TXNRD3: variants seen among roughly 807,000 people sequenced by gnomAD.
The protein encoded by TXNRD3 is TXNRD3 neighbor gene protein.
TXNRD3 carries 68 observed loss-of-function variants against 78.2 expected under a neutral mutation model. The ratio of observed to expected loss-of-function variants is 0.87; its 90% confidence interval spans 0.72 to 1.06. The LOEUF is 1.06. Ranked by LOEUF, TXNRD3 falls within the 50% of genes least tolerant of loss-of-function variation. The pLI, the probability that TXNRD3 is intolerant of heterozygous loss-of-function variation, is 0.00. For synonymous variants in TXNRD3, 296 were observed against 300.1 expected (o/e 0.99, Z 0.14); for missense variants, 751 against 809.5 (o/e 0.93, Z 0.88).
chr3:126,626,845 T>C (rs1397504240), intron 10 of TXNRD3, among the ~76,000 whole-genome samples: 5 of 152,070 alleles, frequency 3.3e-5, no homozygotes, highest in Admixed American at 2.6e-4. Flanking sequence ...AATCCCAGCA[T>C]GTTGAGAGGC....
intron 6 of TXNRD3, among the ~76,000 whole-genome samples, chr3:126,640,094 CTTTTTTTTTTTTTTTT>C (rs747114940): frequency 7.0e-5 from 1 of 14,320 alleles, no homozygotes; most frequent in African/African-American, 1.7e-4. Flanking sequence ...CTTGTGTTTT[CTTTTTTTTTTTTTTTT>C]TTTTTTTTTT....
At chr3:126,650,021 A>G (rs1305695287) in intron 1 of TXNRD3, among the ~76,000 whole-genome samples, 5 of 152,228 alleles carry the variant, frequency 3.3e-5, no homozygotes, top group African/African-American at 1.2e-4. Context: ...GAATTTTATC[A>G]CAATATTTTT....
At chr3:126,618,863 CAAA>C (rs36021189) in intron 12 of TXNRD3, among the ~76,000 whole-genome samples, 13 of 73,106 alleles carry the variant, frequency 1.8e-4, no homozygotes, top group African/African-American at 4.1e-4. Flanking sequence ...AACTCAGAGC[CAAA>C]AAAAAAAAAA....
At chr3:126,653,402 T>G (rs889724214) in intron 1 of TXNRD3, among the ~76,000 whole-genome samples, 1 of 152,118 alleles carries the variant, frequency 6.6e-6, no homozygotes, top group African/African-American at 2.4e-5. Flanking sequence ...GCAAAAGGCC[T>G]GAAAAAAATG....
intron 6 of TXNRD3, among the ~76,000 whole-genome samples, chr3:126,637,566 C>A (rs182923312): frequency 0.012 from 1,801 of 152,118 alleles, 19 homozygotes; most frequent in Middle Eastern, 0.048. Context: ...ATAGGAAATT[C>A]TTAATTTCCT....
rs1938070998 is a variant in TXNRD3, at chr3:126,607,357, C to T, written c.*548G>A. The T allele has an allele frequency of 6.6e-6, 1 of 152,272 alleles. No individual in the cohort carries two copies. The highest frequency in any genetic ancestry group is 2.1e-4 in the South Asian group (1 of 4,832). 9.4% of individuals were successfully genotyped at this position (152,272 alleles called of 1,614,324 possible). The stretch of plus-strand genomic sequence containing the variant: ...GTGCCTCAAAAAAGAAAAGAGATGA[C>T]TAACCCTACACAGTGTGTACAGCTT... On this transcript the variant is annotated 3_prime_UTR_variant, in exon 16 of 16. Coordinates refer to ENST00000524230, the MANE Select transcript of TXNRD3 (RefSeq NM_052883.3).
chr3:126,621,986 A>G, intron 11 of TXNRD3, 88 bp from the exon 12 acceptor site: 1 of 1,096,878 alleles, frequency 9.1e-7, no homozygotes, highest in Non-Finnish European at 1.2e-6. Flanking sequence ...AAGACTAAAT[A>G]CATAGAAGAC....
intron 13 of TXNRD3, among the ~76,000 whole-genome samples, chr3:126,611,547 C>T (rs187490925): frequency 1.1e-4 from 16 of 152,234 alleles, no homozygotes; most frequent in East Asian, 5.8e-4. Context: ...GAAATAAAAC[C>T]GCTCCAGCCA....
intron 5 of TXNRD3, among the ~76,000 whole-genome samples, chr3:126,643,656 A>G (rs1933147717): frequency 6.6e-6 from 1 of 152,094 alleles, no homozygotes; most frequent in Non-Finnish European, 1.5e-5. Context: ...ATTAATGTTT[A>G]TATTATCTTT....
rs931487992 is a variant in TXNRD3 at position 126,647,308 on chromosome 3, A to C, written c.244-12T>G. 1 of 1,531,940 alleles carries C rather than the reference A, an allele frequency of 6.5e-7. No individual in the cohort carries two copies. Among genetic ancestry groups the C allele is most frequent in the Admixed American group, 2.0e-5 (1 of 50,810 alleles). The allele number at this position is 1,531,940 out of a possible 1,614,324, so 94.9% of individuals were successfully genotyped here. A position where few individuals can be genotyped will look rare whatever the true frequency, so the allele number is the denominator to read the frequency against. ...AAGAGTTCTTTCACCTGTAAAAAAA[A>C]TTTAGCTAAGTTTCACTCTCAGAAA... On this transcript the variant is annotated splice_polypyrimidine_tract_variant and intron_variant, in intron 1 of 15. Transcript: ENST00000524230.
At chr3:126,634,638 C>A (rs868039054) in intron 6 of TXNRD3, among the ~76,000 whole-genome samples, 6 of 152,152 alleles carry the variant, frequency 3.9e-5, no homozygotes, top group Non-Finnish European at 5.9e-5. Context: ...TGGAATTCCA[C>A]GTCATCCCTG....
chr3:126,612,324 C>T (rs757219746), intron 13 of TXNRD3, among the ~76,000 whole-genome samples: 5 of 152,174 alleles, frequency 3.3e-5, no homozygotes, highest in Non-Finnish European at 7.3e-5. Context: ...AGGTGTGAGC[C>T]ACCAGCCCCC....
chr3:126,654,556 A>C (rs1405046469), intron 1 of TXNRD3, among the ~76,000 whole-genome samples, 192 bp downstream of exon 1: 1 of 152,142 alleles, frequency 6.6e-6, no homozygotes, highest in African/African-American at 2.4e-5. Context: ...CGCAATTAGG[A>C]GAGTTTCTGT....
chr3:126,636,980 A>C (rs1214085055), intron 6 of TXNRD3, among the ~76,000 whole-genome samples: 3 of 151,730 alleles, frequency 2.0e-5, no homozygotes, highest in Non-Finnish European at 4.4e-5. Flanking sequence ...TGTGTGGCCC[A>C]AGACAATTCT....
intron 7 of TXNRD3, among the ~76,000 whole-genome samples, chr3:126,632,776 T>C (rs1938753617): frequency 6.6e-6 from 1 of 150,586 alleles, no homozygotes. Context: ...GCATCATGAG[T>C]GGGATGGAGA....
chr3:126,630,322 T>G (rs1938677728), intron 9 of TXNRD3, among the ~76,000 whole-genome samples: 1 of 152,214 alleles, frequency 6.6e-6, no homozygotes, highest in Non-Finnish European at 1.5e-5. Context: ...AGAAGCAGCA[T>G]GCAGAGTTGT....
At chr3:126,646,867 C>G (rs185239565) in intron 2 of TXNRD3, among the ~76,000 whole-genome samples, 1 of 152,302 alleles carries the variant, frequency 6.6e-6, no homozygotes, top group East Asian at 1.9e-4. Context: ...AAGCTAAAAA[C>G]TTAATGCACT....
chr3:126,622,504 T>G lies in TXNRD3; in HGVS notation c.1327A>C (p.Lys443Gln). ...ACACCAATCTTCTCCAAGCCTATTT[T>G]CCTTGTACAGGAGTCACGACCAATA... Residue 443 changes from lysine to glutamine, a missense_variant, in exon 11 of 16, where the codon AAA becomes CAA. Transcript: ENST00000524230. The G allele has an allele frequency of 6.5e-7, 1 of 1,535,650 alleles. No homozygotes were observed.
Position 126,621,836 on chromosome 3 carries a change from C to T in TXNRD3, c.1430G>A (p.Gly477Asp), listed in dbSNP as rs199721803. Reference sequence around the variant, plus strand: ...CTCTGGCTTATCCTCCAAAATATCACCAACAGCATAGACATATGGCACATT... The same window carrying T: ...CTCTGGCTTATCCTCCAAAATATCATCAACAGCATAGACATATGGCACATT... Residue 477 changes from glycine to aspartate, a missense_variant, in exon 12 of 16, where the codon GGT (glycine) becomes GAT (aspartate). Transcript: ENST00000524230. 654 of 1,535,770 alleles carry T rather than the reference C, an allele frequency of 4.3e-4. 1 individual carries two copies. The highest frequency in any genetic ancestry group is 6.7e-4 in the Middle Eastern group (4 of 5,990).
Sources: gnomAD v4.1 joint callset for allele counts (sites outside exome capture counted in the v4.1 genomes callset) on GRCh38, gnomAD v4.1.1 for gene constraint, MANE v1.5 for transcripts, NCBI Gene and HGNC (gene_info 2026-07-23, HGNC 2026-07-21) for gene names.